EXOC6: variants seen among roughly 807,000 people sequenced by gnomAD.
EXOC6 encodes exocyst complex component 6.
EXOC6 carries 60 observed loss-of-function variants against 112.5 expected under a neutral mutation model. That is an observed-to-expected ratio of 0.53 (90% CI 0.43 to 0.66). EXOC6 has a LOEUF of 0.66. Among genes scored for constraint, EXOC6 ranks in the 30% least tolerant of loss-of-function variants. The pLI is 0.00. For synonymous variants in EXOC6, 295 were observed against 308.0 expected (o/e 0.96, Z 0.44); for missense variants, 855 against 957.1 (o/e 0.89, Z 1.41).
intron 13 of EXOC6, among the ~76,000 whole-genome samples, chr10:92,945,725 A>G (rs1852955052): frequency 6.6e-6 from 1 of 151,888 alleles, no homozygotes; most frequent in Non-Finnish European, 1.5e-5. Flanking sequence ...TTTTATTTTT[A>G]TTTTTAAAAC....
intron 7 of EXOC6, among the ~76,000 whole-genome samples, chr10:92,918,752 GGAT>G (rs1851262795): frequency 6.6e-6 from 1 of 152,040 alleles, no homozygotes; most frequent in African/African-American, 2.4e-5. Flanking sequence ...GTATATCTGA[GGAT>G]GAGGTGATAC....
chr10:92,833,290 T>C (rs78720785), upstream of EXOC6, among the ~76,000 whole-genome samples: 48 of 152,336 alleles, frequency 3.2e-4, 1 homozygote, highest in East Asian at 9.2e-3. Context: ...GATGAAAATA[T>C]ATACTTTCCC....
intron 6 of EXOC6, among the ~76,000 whole-genome samples, chr10:92,911,040 CT>C (rs2133875887): frequency 1.4e-5 from 1 of 70,678 alleles, no homozygotes; most frequent in East Asian, 1.9e-3. Context: ...TGATATTAAT[CT>C]GTTTATTTTG....
chr10:93,042,495 T>G (rs985755682), intron 20 of EXOC6, among the ~76,000 whole-genome samples: 5 of 152,234 alleles, frequency 3.3e-5, no homozygotes, highest in Non-Finnish European at 7.3e-5. Context: ...GCTTGTCACA[T>G]GTGAACACAA....
chr10:92,982,784 T>C (rs1336312129), intron 18 of EXOC6, among the ~76,000 whole-genome samples: 2 of 152,226 alleles, frequency 1.3e-5, no homozygotes, highest in Non-Finnish European at 1.5e-5. Flanking sequence ...GAGTTTTTTT[T>C]CCTTGGTTTA....
chr10:92,884,095 C>G (rs1173665354), intron 1 of EXOC6, among the ~76,000 whole-genome samples: 1 of 152,050 alleles, frequency 6.6e-6, no homozygotes, highest in East Asian at 1.9e-4. Context: ...AACAGAGTTT[C>G]ACCATGTTGG....
At chr10:92,990,386 A>G (rs1236510765) in intron 18 of EXOC6, among the ~76,000 whole-genome samples, 1 of 152,216 alleles carries the variant, frequency 6.6e-6, no homozygotes, top group Non-Finnish European at 1.5e-5. Flanking sequence ...CAAACATTGC[A>G]GAAAACAATA....
chr10:92,955,714 G>C lies in EXOC6; in HGVS notation c.1773G>C (p.Lys591Asn). The C allele has an allele frequency of 1.2e-6, 2 of 1,601,604 alleles. No individual in the cohort carries two copies. Among genetic ancestry groups the C allele is most frequent in the Non-Finnish European group, 1.7e-6 (2 of 1,176,190 alleles). The change falls in exon 17 of 22, where the codon AAG becomes AAC. Residue 591 changes from lysine to asparagine, a missense_variant and splice_region_variant. Coordinates refer to ENST00000260762, the MANE Select transcript of EXOC6 (RefSeq NM_019053.6). ...GACTTTATGGACTTTCTACTTTCAA[G>C]GTATGTAAAAATTTGACCAAAAGTT... The part of the protein sequence containing the change: ...TTRLYGLSTF[K>N]DARHAAEGEI...
intron 17 of EXOC6, among the ~76,000 whole-genome samples, chr10:92,969,313 G>A (rs1018769498): frequency 2.0e-5 from 3 of 152,162 alleles, no homozygotes; most frequent in Non-Finnish European, 4.4e-5. Flanking sequence ...CCAGACATAT[G>A]AGTGAGGAAG....
intron 20 of EXOC6, among the ~76,000 whole-genome samples, chr10:93,045,466 G>A (rs10748589): frequency 0.37 from 56,018 of 152,014 alleles, 11,618 homozygotes; most frequent in East Asian, 0.78. Flanking sequence ...ATTGTACTGC[G>A]GAAATCCTAG....
At chr10:93,014,381 T>A in intron 20 of EXOC6, 114 bp downstream of exon 20, 1 of 781,028 alleles carries the variant, frequency 1.3e-6, no homozygotes. Context: ...CAACCTATCT[T>A]AAGAAAAATC....
rs533229292 is a variant in EXOC6, at chr10:92,974,979, G to A, written c.1953+747G>A. On this transcript the variant is annotated intron_variant, in intron 18 of 21. Transcript: ENST00000260762. ...AGTGCCGAGATTGCAGCCTCTGCCC[G>A]GCCGCCACCCCGTCTGGGAAGTGAG... Among the ~76,000 whole-genome samples the A allele has an allele frequency of 3.5e-3, 535 of 152,070 alleles. 1 individual carries two copies. Among genetic ancestry groups the A allele is most frequent in the African/African-American group, 0.012 (508 of 41,490 alleles).
intron 5 of EXOC6, chr10:92,900,861 T>C (rs960567293): frequency 6.6e-6 from 1 of 152,326 alleles, no homozygotes; most frequent in Non-Finnish European, 1.5e-5. Flanking sequence ...CTAATATTTA[T>C]ACTCACATTT....
intron 8 of EXOC6, among the ~76,000 whole-genome samples, chr10:92,920,451 A>G (rs920071778): frequency 3.3e-5 from 5 of 152,154 alleles, no homozygotes; most frequent in South Asian, 4.1e-4. Context: ...AGAGTATACA[A>G]TTCGGTGGTT....
chr10:92,966,780 T>A (rs1842085735), intron 17 of EXOC6, among the ~76,000 whole-genome samples: 1 of 148,902 alleles, frequency 6.7e-6, no homozygotes, highest in Non-Finnish European at 1.5e-5. Context: ...GCAGCATGAT[T>A]TATAGTCCTT....
At chr10:92,882,778 CA>C (rs1453874989) in intron 1 of EXOC6, among the ~76,000 whole-genome samples, 4 of 152,130 alleles carry the variant, frequency 2.6e-5, no homozygotes, top group African/African-American at 9.7e-5. Context: ...TTTCAAGTCT[CA>C]CTTCAGACTC....
chr10:93,012,522 CA>C (rs1844295678), intron 19 of EXOC6, among the ~76,000 whole-genome samples: 1 of 152,074 alleles, frequency 6.6e-6, no homozygotes, highest in Non-Finnish European at 1.5e-5. Flanking sequence ...ATGCTTAAAG[CA>C]AAAATTATAC....
At chr10:92,894,610 G>A (rs1849661210) in intron 2 of EXOC6, among the ~76,000 whole-genome samples, 184 bp from the exon 3 acceptor site, 1 of 152,156 alleles carries the variant, frequency 6.6e-6, no homozygotes, top group East Asian at 1.9e-4. Flanking sequence ...ACTGTCATAA[G>A]TAATTGAAGT....
At position 92,940,812 on chromosome 10, in the gene EXOC6, C is replaced by A; in HGVS notation, c.1298C>A (p.Ala433Asp). Residue 433 changes from alanine (A) to aspartate (D), a missense_variant, in exon 13 of 22, where the codon GCT (alanine) becomes GAT (aspartate). Ala to Asp is a moderately radical substitution (Grantham distance 126). This residue lies in a region of EXOC6 where 450 missense variants were observed against 563.5 expected (regional missense o/e 0.80). Transcript: ENST00000260762. ...AATGAAACACTGCTTAAGAAATGGG[C>A]TGGAGTTTTCAGGTTAGTCTAAGTC... ...QYNETLLKKW[A>D]GVFRDIFEED... is the part of the protein sequence containing the mutation. The A allele has an allele frequency of 6.2e-7, 1 of 1,606,342 alleles. No individual in the cohort carries two copies. Among genetic ancestry groups the A allele is most frequent in the Non-Finnish European group, 8.5e-7 (1 of 1,176,398 alleles).
Sources: gnomAD v4.1 joint callset for allele counts (sites outside exome capture counted in the v4.1 genomes callset) on GRCh38, gnomAD v4.1.1 for gene constraint, gnomAD v4.1.1 regional missense constraint, MANE v1.5 for transcripts, NCBI Gene and HGNC (gene_info 2026-07-23, HGNC 2026-07-21) for gene names.